PRKG1: variants seen among roughly 807,000 people sequenced by gnomAD.
PRKG1 encodes the protein cGMP-dependent protein kinase 1.
A neutral mutation model predicts 88.1 loss-of-function variants in PRKG1; 35 were observed. The ratio of observed to expected loss-of-function variants is 0.40; its 90% CI spans 0.30 to 0.53. PRKG1 has a LOEUF of 0.53. PRKG1 is among the 20% of genes least tolerant of loss of function. The pLI is 0.59. For synonymous variants in PRKG1, 303 were observed against 292.5 expected (o/e 1.04, Z -0.37); for missense variants, 540 against 839.8 (o/e 0.64, Z 4.41).
intron 17 of PRKG1, among the ~76,000 whole-genome samples, chr10:52,290,686 A>G (rs1416417604): frequency 6.6e-6 from 1 of 152,010 alleles, no homozygotes; most frequent in Non-Finnish European, 1.5e-5. Flanking sequence ...CTCTGTCTCT[A>G]CAAAAAAAGA....
At chr10:52,113,250 C>A (rs2132593907) in intron 7 of PRKG1, among the ~76,000 whole-genome samples, 1 of 152,190 alleles carries the variant, frequency 6.6e-6, no homozygotes, top group African/African-American at 2.4e-5. Flanking sequence ...TAATCTCTAA[C>A]ATTGCTTTTA....
intron 3 of PRKG1, chr10:51,699,007 G>T (rs769578681): frequency 1.1e-5 from 18 of 1,614,126 alleles, no homozygotes; most frequent in Non-Finnish European, 1.5e-5. Context: ...CTGGATCCAT[G>T]ATTCTCATCA....
chr10:51,089,659 T>A (rs1844350765), intron 1 of PRKG1, among the ~76,000 whole-genome samples: 1 of 152,226 alleles, frequency 6.6e-6, no homozygotes, highest in African/African-American at 2.4e-5. Context: ...CTAGGTGACC[T>A]ATTTACCAAT....
chr10:51,235,123 G>T (rs1220766926), intron 2 of PRKG1, among the ~76,000 whole-genome samples: 1 of 152,140 alleles, frequency 6.6e-6, no homozygotes, highest in Non-Finnish European at 1.5e-5. Context: ...CATGCAGGAA[G>T]CCAGAGTTAC....
intron 3 of PRKG1, among the ~76,000 whole-genome samples, chr10:51,661,980 G>A (rs1280308896): frequency 6.6e-6 from 1 of 152,086 alleles, no homozygotes; most frequent in African/African-American, 2.4e-5. Context: ...TGCAATGACA[G>A]AAAGCCAGAC....
chr10:51,498,893 T>C (rs916023301), intron 3 of PRKG1, among the ~76,000 whole-genome samples: 1 of 151,016 alleles, frequency 6.6e-6, no homozygotes, highest in African/African-American at 2.4e-5. Flanking sequence ...CTTAAATCTA[T>C]TTACCCTTAC....
chr10:52,097,657 A>T (rs751083222), intron 7 of PRKG1, among the ~76,000 whole-genome samples: 23 of 152,016 alleles, frequency 1.5e-4, no homozygotes, highest in Non-Finnish European at 2.8e-4. Context: ...TCTCCATAAG[A>T]GGGCTTTGTG....
chr10:51,065,858 T>G (rs1589130101), intron 1 of PRKG1, among the ~76,000 whole-genome samples: 2 of 152,128 alleles, frequency 1.3e-5, no homozygotes, highest in East Asian at 3.8e-4. Flanking sequence ...ATATTAGGGT[T>G]AGTGTTAGGG....
intron 2 of PRKG1, among the ~76,000 whole-genome samples, chr10:51,248,902 T>C (rs1839359132): frequency 6.6e-6 from 1 of 151,808 alleles, no homozygotes; most frequent in Non-Finnish European, 1.5e-5. Flanking sequence ...ATCCCTCATA[T>C]TCTAAAGATG....
At chr10:51,509,202 C>A (rs929183614) in intron 3 of PRKG1, among the ~76,000 whole-genome samples, 3 of 152,074 alleles carry the variant, frequency 2.0e-5, no homozygotes, top group Non-Finnish European at 4.4e-5. Flanking sequence ...TAAAAAACAA[C>A]CCAGTAATGT....
chr10:52,223,021 C>G (rs1440075822), intron 9 of PRKG1, among the ~76,000 whole-genome samples: 2 of 152,102 alleles, frequency 1.3e-5, no homozygotes, highest in Non-Finnish European at 2.9e-5. Context: ...CAGCTCATAT[C>G]CCCTTTCTCT....
Position 52,278,055 on chromosome 10 carries a change from A to G in PRKG1, c.1404-2734A>G, listed in dbSNP as rs1841916024. On this transcript the variant is annotated intron_variant, in intron 12 of 17. Coordinates refer to ENST00000373980, the MANE Select transcript of PRKG1 (RefSeq NM_006258.4). ...TACAGAATGGGAGAAAATTTTTGCA[A>G]TCTATCCATCTGACAAAGGGCTAAT... Among the ~76,000 whole-genome samples, 4 of 152,294 alleles carry G rather than the reference A, an allele frequency of 2.6e-5. No homozygotes were observed. In the South Asian group the frequency reaches 8.3e-4, roughly 32 times the overall value.
intron 2 of PRKG1, among the ~76,000 whole-genome samples, chr10:51,385,390 A>G (rs1010107327): frequency 2.0e-5 from 3 of 152,346 alleles, no homozygotes; most frequent in East Asian, 1.9e-4. Flanking sequence ...TACGTTAAGG[A>G]CAATATATCA....
chr10:51,833,320 T>G (rs1325196455), intron 4 of PRKG1, among the ~76,000 whole-genome samples: 1 of 152,160 alleles, frequency 6.6e-6, no homozygotes, highest in Non-Finnish European at 1.5e-5. Context: ...AGAACCTCAG[T>G]AGGGATAGTC....
intron 1 of PRKG1, among the ~76,000 whole-genome samples, chr10:51,148,641 T>A (rs1016897786): frequency 1.3e-5 from 2 of 152,120 alleles, no homozygotes; most frequent in Admixed American, 6.6e-5. Flanking sequence ...GAAATTGAGA[T>A]GAGACCTAAT....
In PRKG1 at chr10:52,256,969, C is replaced by G. The variant is rs530381671; in HGVS notation, c.1173+5303C>G. Among the ~76,000 whole-genome samples, 79 of 139,486 alleles carry G rather than the reference C, an allele frequency of 5.7e-4. 16 individuals are homozygous for G. Among genetic ancestry groups the G allele is most frequent in the Non-Finnish European group, 8.9e-4 (55 of 61,698 alleles). The allele number at this position is 139,486 out of a possible 152,430, so 91.5% of individuals were successfully genotyped here. On this transcript the variant is annotated intron_variant, in intron 10 of 17. Transcript: ENST00000373980. The stretch of plus-strand genomic sequence containing the variant: ...ACTTCTAAATTGTGAAGCCCCACCT[C>G]TTAACCTCTCAATGGGAAATCATTT...
chr10:51,275,852 AGTAAAAG>A (rs1328085801), intron 2 of PRKG1, among the ~76,000 whole-genome samples: 4 of 152,194 alleles, frequency 2.6e-5, no homozygotes, highest in Non-Finnish European at 5.9e-5. Flanking sequence ...AGAAAAGGCA[AGTAAAAG>A]TGGCCCAGAA....
At chr10:51,979,463 C>T (rs1486394793) in intron 5 of PRKG1, among the ~76,000 whole-genome samples, 1 of 105,006 alleles carries the variant, frequency 9.5e-6, no homozygotes. Flanking sequence ...GTTTTGGTAT[C>T]AGGATGACGC....
chr10:51,487,178 A>T (rs758495242), intron 3 of PRKG1, among the ~76,000 whole-genome samples: 1 of 152,178 alleles, frequency 6.6e-6, no homozygotes, highest in African/African-American at 2.4e-5. Flanking sequence ...AAATCTTATA[A>T]TATTGAGAAT....
Sources: gnomAD v4.1 joint callset for allele counts (sites outside exome capture counted in the v4.1 genomes callset) on GRCh38, gnomAD v4.1.1 for gene constraint, MANE v1.5 for transcripts, NCBI Gene and HGNC (gene_info 2026-07-23, HGNC 2026-07-21) for gene names.